The following GHITM variants were observed in gnomAD, a reference collection of about 807,000 sequenced individuals.
GHITM encodes growth hormone inducible transmembrane protein.
A neutral mutation model predicts 38.7 loss-of-function variants in GHITM; 24 were observed. That is an observed-to-expected ratio of 0.62 (90% CI 0.45 to 0.87). GHITM has a LOEUF of 0.87. Ranked by LOEUF, GHITM falls within the 40% of genes least tolerant of loss-of-function variation. The probability of loss-of-function intolerance (pLI) is 0.00; values close to 1 mark genes in which losing one functional copy is unlikely to be tolerated. For synonymous variants in GHITM, 154 were observed against 147.8 expected, an observed-to-expected ratio of 1.04 and a Z score of -0.30; for missense variants, 420 against 429.8, an observed-to-expected ratio of 0.98 and a Z score of 0.20.
intron 5 of GHITM, among the ~76,000 whole-genome samples, chr10:84,148,525 ACCT>A: frequency 6.6e-6 from 1 of 152,232 alleles, no homozygotes; most frequent in East Asian, 1.9e-4. Context: ...CAAACTTCTG[ACCT>A]CAGGTGATCC....
chr10:84,144,760 G>A (rs1482359270), intron 4 of GHITM, 115 bp from the exon 5 acceptor site: 1 of 580,532 alleles, frequency 1.7e-6, no homozygotes, highest in East Asian at 2.9e-5. Flanking sequence ...GATAAATGAA[G>A]TGAATAAGAT....
intron 1 of GHITM, among the ~76,000 whole-genome samples, chr10:84,140,806 A>G (rs776961027): frequency 1.3e-5 from 2 of 151,978 alleles, no homozygotes; most frequent in African/African-American, 2.4e-5. Flanking sequence ...TGTAAGGGAA[A>G]CCTGGTTGGT....
intron 8 of GHITM, among the ~76,000 whole-genome samples, chr10:84,151,848 G>T (rs953957025): frequency 1.3e-5 from 2 of 152,096 alleles, no homozygotes; most frequent in African/African-American, 4.8e-5. Context: ...TTGCTGTACT[G>T]TAAAGCTTAC....
At chr10:84,146,728 G>A (rs1841559721) in intron 5 of GHITM, among the ~76,000 whole-genome samples, 1 of 152,128 alleles carries the variant, frequency 6.6e-6, no homozygotes, top group African/African-American at 2.4e-5. Flanking sequence ...AGGCTTCAAA[G>A]AAGTTTTGTG....
rs576610488 is a variant in GHITM, at chr10:84,146,877, A to G, written c.484-1853A>G. Among the ~76,000 whole-genome samples, 8 of 152,326 alleles carry G rather than the reference A, an allele frequency of 5.3e-5. No homozygotes were observed. The East Asian group carries it at 1.5e-3, about 29-fold the overall frequency. On this transcript the variant is annotated intron_variant, in intron 5 of 8. Coordinates refer to ENST00000372134, the MANE Select transcript of GHITM (RefSeq NM_014394.3). ...TTGGGTGTGACAGACATATATATAC[A>G]AACACACACATAGACACACAGATAA... is the stretch of plus-strand genomic sequence containing the variant.
intron 1 of GHITM, chr10:84,140,438 GAA>G (rs1841495213): frequency 6.6e-6 from 1 of 152,154 alleles, no homozygotes; most frequent in Admixed American, 6.6e-5. Context: ...TAGGAGCAAA[GAA>G]AGACCCAGGA....
intron 8 of GHITM, 60 bp downstream of exon 8, chr10:84,150,940 T>C: frequency 8.1e-7 from 1 of 1,229,176 alleles, no homozygotes; most frequent in Non-Finnish European, 1.2e-6. Flanking sequence ...TTGTGTGTAT[T>C]TGACCTGTTT....
chr10:84,150,293 A>G (rs1478589628), intron 7 of GHITM, 50 bp downstream of exon 7: 10 of 1,311,286 alleles, frequency 7.6e-6, no homozygotes, highest in East Asian at 2.4e-5. Flanking sequence ...GTTTCCTGTA[A>G]CCTGAAATAC....
chr10:84,141,676 G>A (rs975887482), intron 2 of GHITM, 47 bp downstream of exon 2: 2 of 1,600,986 alleles, frequency 1.2e-6, no homozygotes, highest in African/African-American at 1.3e-5. Context: ...TTCCATTTGT[G>A]CCCTTTCTTT....
At chr10:84,143,721 C>T (rs1371483119) in intron 3 of GHITM, among the ~76,000 whole-genome samples, 3 of 152,166 alleles carry the variant, frequency 2.0e-5, no homozygotes, top group East Asian at 3.8e-4. Context: ...AGTAGCTCCA[C>T]GTCTACAGGT....
intron 5 of GHITM, among the ~76,000 whole-genome samples, chr10:84,147,033 T>A (rs1175029840): frequency 6.6e-6 from 1 of 152,114 alleles, no homozygotes; most frequent in Non-Finnish European, 1.5e-5. Flanking sequence ...TGGAAGGAGA[T>A]ATTCTTAGGC....
rs1464016550 is a variant in GHITM at position 84,141,565 on chromosome 10, C to G, written c.65C>G (p.Thr22Ser). Residue 22 changes from threonine to serine, a missense_variant, in exon 2 of 9, where the codon ACC becomes AGC. Coordinates refer to ENST00000372134, the MANE Select transcript of GHITM (RefSeq NM_014394.3). Reference sequence around the variant, plus strand: ...TCTAGGGTTTTCCACCCAGCTTTCACCAAGGCCTCCCCTGTTGTGAAGAAT... The same window carrying G: ...TCTAGGGTTTTCCACCCAGCTTTCAGCAAGGCCTCCCCTGTTGTGAAGAAT... ...LPSRVFHPAF[T>S]KASPVVKNSI... is the part of the protein sequence containing the mutation. 1 of 1,613,510 alleles carries G rather than the reference C, an allele frequency of 6.2e-7. No homozygotes were observed. Among genetic ancestry groups the G allele is most frequent in the South Asian group, 1.1e-5 (1 of 91,060 alleles).
chr10:84,148,730 A>T lies in GHITM; in HGVS notation c.484A>T (p.Thr162Ser). Residue 162 changes from threonine (T) to serine (S), a missense_variant and splice_region_variant, in exon 6 of 9, where the codon ACA becomes TCA. By Grantham distance (58) the Thr-to-Ser change is moderately conservative. Coordinates refer to ENST00000372134, the MANE Select transcript of GHITM (RefSeq NM_014394.3). ...MNFMMRGSWV[T>S]IGVTFAAMVG... ...TTTCTTAATAGTACTTGTCTTTCAGACAATTGGTGTGACCTTTGCAGCCAT... is the reference window on the plus strand; with the variant it reads ...TTTCTTAATAGTACTTGTCTTTCAGTCAATTGGTGTGACCTTTGCAGCCAT... 6.3e-7 allele frequency: 1 copy of T among 1,599,592 alleles called. No individual in the cohort carries two copies. Among genetic ancestry groups the T allele is most frequent in the Non-Finnish European group, 8.6e-7 (1 of 1,166,754 alleles).
chr10:84,141,488 G>A lies in GHITM; in HGVS notation c.-13G>A, dbSNP rs1438767231. On this transcript the variant is annotated 5_prime_UTR_variant, in exon 2 of 9. In the 5' UTR this introduces an upstream ATG that the reference lacks. Transcript: ENST00000372134. Reference sequence around the variant, plus strand: ...ATTTCAGATCTGCTCGGTAGACCTGGTGCACCACCACCATGTTGGCTGCAA... The same window carrying A: ...ATTTCAGATCTGCTCGGTAGACCTGATGCACCACCACCATGTTGGCTGCAA... 3.7e-6 allele frequency: 6 copies of A among 1,613,162 alleles called. No homozygotes were observed. The Admixed American group carries it at 8.3e-5, about 22-fold the overall frequency.
intron 5 of GHITM, among the ~76,000 whole-genome samples, chr10:84,148,284 ATTTTTTATTTTTTAT>A (rs1841576809): frequency 6.8e-6 from 1 of 147,056 alleles, no homozygotes; most frequent in Admixed American, 6.6e-5. Context: ...TTTATTTTTT[ATTTTTTATTTTTTAT>A]TTTTTTATTT....
chr10:84,148,785 T>G lies in GHITM; in HGVS notation c.539T>G (p.Ile180Arg). Residue 180 changes from isoleucine to arginine, a missense_variant, in exon 6 of 9, where the codon ATA becomes AGA. Coordinates refer to ENST00000372134, the MANE Select transcript of GHITM (RefSeq NM_014394.3). ...MVGAGMLVRS[I>R]PYDQSPGPKH... is the part of the protein sequence containing the mutation. ...GGAGCTGGAATGCTGGTACGATCAA[T>G]ACCATATGACCAGAGCCCAGGCCCA... is the stretch of plus-strand genomic sequence containing the variant. 1 of 1,613,536 alleles carries G rather than the reference T, an allele frequency of 6.2e-7. No homozygotes were observed. Among genetic ancestry groups the G allele is most frequent in the South Asian group, 1.1e-5 (1 of 91,074 alleles).
chr10:84,152,444 T>A lies in GHITM; in HGVS notation c.*96T>A. On this transcript the variant is annotated 3_prime_UTR_variant, in exon 9 of 9. Coordinates refer to ENST00000372134, the MANE Select transcript of GHITM (RefSeq NM_014394.3). ...TTTGTACAAGCAGCTTTCGTTGAAG[T>A]TTAGAAGATAAGAAACATGTCATCA... 3.3e-6 allele frequency: 2 copies of A among 610,056 alleles called. No homozygotes were observed. The highest frequency in any genetic ancestry group is 5.7e-6 in the Non-Finnish European group (2 of 348,114). 37.8% of individuals were successfully genotyped at this position (610,056 alleles called of 1,614,324 possible). A position where few individuals can be genotyped will look rare whatever the true frequency, so the allele number is the denominator to read the frequency against.
rs1014193776 is a variant in GHITM at position 84,153,018 on chromosome 10, A to G, written c.*670A>G. On this transcript the variant is annotated 3_prime_UTR_variant, in exon 9 of 9. Transcript: ENST00000372134. Reference sequence around the variant, plus strand: ...AGATGTGGTCATGTTTGACTTGTACAGAATGTTAATCATACAGAGAATCCT... The same window carrying G: ...AGATGTGGTCATGTTTGACTTGTACGGAATGTTAATCATACAGAGAATCCT... The G allele has an allele frequency of 2.0e-5, 3 of 152,236 alleles. No homozygotes were observed. The highest frequency in any genetic ancestry group is 4.4e-5 in the Non-Finnish European group (3 of 68,036). The allele number at this position is 152,236 out of a possible 1,614,324, so 9.4% of individuals were successfully genotyped here. A position where few individuals can be genotyped will look rare whatever the true frequency, so the allele number is the denominator to read the frequency against.
intron 8 of GHITM, among the ~76,000 whole-genome samples, chr10:84,151,510 C>T (rs566461862): frequency 9.9e-5 from 15 of 152,154 alleles, no homozygotes; most frequent in African/African-American, 3.1e-4. Context: ...GTGTATTTTG[C>T]AGACTTTAAA....
Sources: gnomAD v4.1 joint callset for allele counts (sites outside exome capture counted in the v4.1 genomes callset) on GRCh38, gnomAD v4.1.1 for gene constraint, MANE v1.5 for transcripts, NCBI Gene and HGNC (gene_info 2026-07-23, HGNC 2026-07-21) for gene names.